CHRNA4: variants seen among roughly 807,000 people sequenced by gnomAD.
The protein encoded by CHRNA4 is cholinergic receptor nicotinic alpha 4 subunit, also known as neuronal acetylcholine receptor subunit alpha-4.
CHRNA4 carries 28 observed loss-of-function variants against 48.9 expected under a neutral mutation model. The observed-to-expected ratio is 0.57, with a 90% CI of 0.42 to 0.79. The LOEUF is 0.79. CHRNA4 is among the 30% of genes least tolerant of loss of function. CHRNA4 has a pLI of 0.00. For synonymous variants in CHRNA4, 425 were observed against 402.3 expected, an observed-to-expected ratio of 1.06 and a Z score of -0.68; for missense variants, 859 against 898.4, an observed-to-expected ratio of 0.96 and a Z score of 0.56.
chr20:63,345,437 G>A lies in CHRNA4; in HGVS notation c.*1301C>T, dbSNP rs1253453058. ...CAGCCTGTGCCCATCCCAAGGGGAA[G>A]TGTGCCCCTGGGGACACTGGGGGGC... On this transcript the variant is annotated 3_prime_UTR_variant, in exon 6 of 6. Coordinates refer to ENST00000370263, the MANE Select transcript of CHRNA4 (RefSeq NM_000744.7). The surrounding 1 kb of genome is among the most constrained non-coding windows in gnomAD (Gnocchi z 5.4). 2.5e-6 allele frequency: 1 copy of A among 393,444 alleles called. No individual in the cohort carries two copies. The highest frequency in any genetic ancestry group is 5.2e-6 in the Non-Finnish European group (1 of 191,518). 24.4% of individuals were successfully genotyped at this position (393,444 alleles called of 1,614,324 possible). A position where few individuals can be genotyped will look rare whatever the true frequency, so the allele number is the denominator to read the frequency against.
In CHRNA4 at chr20:63,351,204, A is replaced by ACG. The variant is rs1555838279; in HGVS notation, c.384-178_384-177insCG. On this transcript the variant is annotated intron_variant, in intron 4 of 5. Coordinates refer to ENST00000370263, the MANE Select transcript of CHRNA4 (RefSeq NM_000744.7). ...ATCCATGTCCCACGCCCACATCCAC[A>ACG]CCCACGTCCACGTCCACGCCCACAT... The ACG allele has an allele frequency of 5.2e-4, 273 of 521,948 alleles. 17 individuals carry two copies. The highest frequency in any genetic ancestry group is 3.6e-3 in the African/African-American group (149 of 41,490). 32.3% of individuals were successfully genotyped at this position (521,948 alleles called of 1,614,324 possible). A position where few individuals can be genotyped will look rare whatever the true frequency, so the allele number is the denominator to read the frequency against.
At chr20:63,360,946 G>T in intron 1 of CHRNA4, 144 bp downstream of exon 1, 1 of 632,826 alleles carries the variant, frequency 1.6e-6, no homozygotes, top group Non-Finnish European at 2.4e-6. Flanking sequence ...CTGTGCGGCT[G>T]GGGATGGGGA....
rs1555838260 is a variant in CHRNA4 at position 63,351,198 on chromosome 20, A to AGCCACGCCCACGCCCCACG, written c.384-172_384-171insCGTGGGGCGTGGGCGTGGC. On this transcript the variant is annotated intron_variant, in intron 4 of 5. Coordinates refer to ENST00000370263, the MANE Select transcript of CHRNA4 (RefSeq NM_000744.7). ...GCCCACATCCATGTCCCACGCCCAC[A>AGCCACGCCCACGCCCCACG]TCCACACCCACGTCCACGTCCACGC... 0.056 allele frequency: 26,487 copies of AGCCACGCCCACGCCCCACG among 471,788 alleles called. 1,833 individuals are homozygous for AGCCACGCCCACGCCCCACG. Among genetic ancestry groups the AGCCACGCCCACGCCCCACG allele is most frequent in the South Asian group, 0.1 (4,974 of 49,408 alleles). The allele number at this position is 471,788 out of a possible 1,614,324, so 29.2% of individuals were successfully genotyped here. A position where few individuals can be genotyped will look rare whatever the true frequency, so the allele number is the denominator to read the frequency against.
Position 63,343,987 on chromosome 20 carries a change from G to T in CHRNA4, c.*2751C>A, listed in dbSNP as rs2068444209. 4.4e-6 allele frequency: 2 copies of T among 454,102 alleles called. No homozygotes were observed. The highest frequency in any genetic ancestry group is 8.8e-6 in the Non-Finnish European group (2 of 226,800). The allele number at this position is 454,102 out of a possible 1,614,324, so 28.1% of individuals were successfully genotyped here. On this transcript the variant is annotated 3_prime_UTR_variant, in exon 6 of 6. Coordinates refer to ENST00000370263, the MANE Select transcript of CHRNA4 (RefSeq NM_000744.7). ...ATTAACAGATGCAGAAAATAAACATGCATAACGGATAGAGTGCCATGCACA... is the reference window on the plus strand; with the variant it reads ...ATTAACAGATGCAGAAAATAAACATTCATAACGGATAGAGTGCCATGCACA...
intron 4 of CHRNA4, among the ~76,000 whole-genome samples, chr20:63,353,974 T>A (rs1400567484): frequency 4.5e-4 from 2 of 4,414 alleles, no homozygotes; most frequent in African/African-American, 8.7e-4. Flanking sequence ...TCCTGGGAGG[T>A]CTGTGGTCCT....
In CHRNA4 at chr20:63,361,253, C is replaced by T. The variant is rs1279270053; in HGVS notation, c.-88G>A. The T allele has an allele frequency of 7.1e-7, 1 of 1,407,262 alleles. No homozygotes were observed. Among genetic ancestry groups the T allele is most frequent in the Non-Finnish European group, 9.2e-7 (1 of 1,083,262 alleles). The allele number at this position is 1,407,262 out of a possible 1,614,324, so 87.2% of individuals were successfully genotyped here. On this transcript the variant is annotated 5_prime_UTR_variant, in exon 1 of 6. Transcript: ENST00000370263. ...CGTGCGCGCCCAACTTCATGCCTCC[C>T]GCGCCTCGCGGGCCGCTTCGGCCGC...
chr20:63,346,905 C>A (rs765835508), intron 5 of CHRNA4, 42 bp from the exon 6 acceptor site: 1 of 1,610,596 alleles, frequency 6.2e-7, no homozygotes, highest in African/African-American at 1.3e-5. Context: ...GCCCGGCCGC[C>A]GCCAGCGGGG....
chr20:63,359,562 G>C lies in CHRNA4; in HGVS notation c.214C>G (p.Gln72Glu). The change falls in exon 2 of 6, where the codon CAG (glutamine) becomes GAG (glutamate). Residue 72 changes from glutamine (Q) to glutamate (E), a missense_variant. This residue lies in a region of CHRNA4 where 342 missense variants were observed against 365.3 expected (regional missense o/e 0.94). Coordinates refer to ENST00000370263, the MANE Select transcript of CHRNA4 (RefSeq NM_000744.7). ...VLVRFGLSIA[Q>E]LIDVDEKNQM... ...CCCTCACCTACCACGTCAATGAGCTGAGCGATGGACAGGCCGAAGCGGACG... is the reference window on the plus strand; with the variant it reads ...CCCTCACCTACCACGTCAATGAGCTCAGCGATGGACAGGCCGAAGCGGACG... 1 of 1,612,700 alleles carries C rather than the reference G, an allele frequency of 6.2e-7. No individual in the cohort carries two copies. Among genetic ancestry groups the C allele is most frequent in the Non-Finnish European group, 8.5e-7 (1 of 1,179,920 alleles).
In CHRNA4 at chr20:63,349,664, T is replaced by C. The variant is rs1169448678; in HGVS notation, c.1747A>G (p.Thr583Ala). The change falls in exon 5 of 6, where the codon ACA becomes GCA. Residue 583 changes from threonine to alanine, a missense_variant. By Grantham distance (58) the Thr-to-Ala change is moderately conservative. Transcript: ENST00000370263. The part of the protein sequence containing the change: ...YIADHLKAED[T>A]DFSVKEDWKY... ...TGGGCGGGACTTACCGAGAAGTCTG[T>C]GTCTTCGGCCTTCAGGTGGTCTGCA... The C allele has an allele frequency of 6.2e-7, 1 of 1,612,760 alleles. No homozygotes were observed. Among genetic ancestry groups the C allele is most frequent in the Non-Finnish European group, 8.5e-7 (1 of 1,179,860 alleles).
rs745400973 is a variant in CHRNA4, at chr20:63,349,704, C to T, written c.1707G>A (p.Glu569=). 4 of 1,612,864 alleles carry T rather than the reference C, an allele frequency of 2.5e-6. No homozygotes were observed. The highest frequency in any genetic ancestry group is 1.7e-5 in the Admixed American group (1 of 60,026). Reference sequence around the variant, plus strand: ...GGTGGTCTGCAATGTACTGGACGCCCTCCACCGCCCGGGTCAGGGCCGGCG... The same window carrying T: ...GGTGGTCTGCAATGTACTGGACGCCTTCCACCGCCCGGGTCAGGGCCGGCG... ...PLSPALTRAV[E]GVQYIADHLK... The change falls in exon 5 of 6, where the codon GAG becomes GAA. Residue 569 remains glutamate, a synonymous_variant. Coordinates refer to ENST00000370263, the MANE Select transcript of CHRNA4 (RefSeq NM_000744.7).
chr20:63,359,619 G>C lies in CHRNA4; in HGVS notation c.157C>G (p.Arg53Gly). The C allele has an allele frequency of 6.2e-7, 1 of 1,612,692 alleles. No individual in the cohort carries two copies. The highest frequency in any genetic ancestry group is 1.1e-5 in the South Asian group (1 of 91,082). ...KLFSGYNKWS[R>G]PVANISDVVL... ...ACGTCCGAGATGTTGGCCACGGGTC[G>C]GGACCACTTGTTGTAACCGGAGAAG... is the stretch of plus-strand genomic sequence containing the variant. The change falls in exon 2 of 6, where the codon CGA becomes GGA. Residue 53 changes from arginine (R) to glycine (G), a missense_variant. Coordinates refer to ENST00000370263, the MANE Select transcript of CHRNA4 (RefSeq NM_000744.7).
At chr20:63,358,075 G>A (rs2068745932) in intron 2 of CHRNA4, among the ~76,000 whole-genome samples, 1 of 152,174 alleles carries the variant, frequency 6.6e-6, no homozygotes, top group African/African-American at 2.4e-5. Flanking sequence ...ACCTCAGCAG[G>A]CTTGCCAAGC....
At chr20:63,351,070 T>TGCCCACGTCCACACCCAC (rs2068590798) in intron 4 of CHRNA4, 43 bp from the exon 5 acceptor site, 2 of 1,565,318 alleles carry the variant, frequency 1.3e-6, no homozygotes, top group Non-Finnish European at 1.7e-6. Context: ...CCCACATCCA[T>TGCCCACGTCCACACCCAC]GCCCACGTCC....
rs986755162 is a variant in CHRNA4 at position 63,345,724 on chromosome 20, C to T, written c.*1014G>A. ...TCCTCAAGGATGCCCCCACCAGCTCCCCACAGCTACTGTAGCAGGAAGTCC... is the reference window on the plus strand; with the variant it reads ...TCCTCAAGGATGCCCCCACCAGCTCTCCACAGCTACTGTAGCAGGAAGTCC... On this transcript the variant is annotated 3_prime_UTR_variant, in exon 6 of 6. Coordinates refer to ENST00000370263, the MANE Select transcript of CHRNA4 (RefSeq NM_000744.7). The surrounding 1 kb of genome is among the most constrained non-coding windows in gnomAD (Gnocchi z 5.4). 2.2e-6 allele frequency: 1 copy of T among 451,864 alleles called. No homozygotes were observed. Among genetic ancestry groups the T allele is most frequent in the African/African-American group, 2.0e-5 (1 of 49,954 alleles). 28.0% of individuals were successfully genotyped at this position (451,864 alleles called of 1,614,324 possible). A position where few individuals can be genotyped will look rare whatever the true frequency, so the allele number is the denominator to read the frequency against.
rs764990637 is a variant in CHRNA4, at chr20:63,359,636, C to T, written c.140G>A (p.Gly47Asp). Residue 47 changes from glycine (G) to aspartate (D), a missense_variant, in exon 2 of 6, where the codon GGT becomes GAT. Physicochemically the swap from Gly to Asp is moderately conservative, Grantham distance 94. Transcript: ENST00000370263. ...CACGGGTCGGGACCACTTGTTGTAA[C>T]CGGAGAAGAGTTTCTTCAGGAGCCG... Reference protein sequence around the residue: ...EERLLKKLFSGYNKWSRPVAN... With the variant: ...EERLLKKLFSDYNKWSRPVAN... The T allele has an allele frequency of 1.2e-6, 2 of 1,612,524 alleles. No individual in the cohort carries two copies. Among genetic ancestry groups the T allele is most frequent in the Non-Finnish European group, 1.7e-6 (2 of 1,179,954 alleles).
rs201879389 is a variant in CHRNA4, at chr20:63,361,133, C to G, written c.33G>C (p.Leu11=). Reference sequence around the variant, plus strand: ...CCAGAAGCAGCAGCAGCGGCGGCAGCAGCCGCGGCGCTCCGGGGCCCCCTA... The same window carrying G: ...CCAGAAGCAGCAGCAGCGGCGGCAGGAGCCGCGGCGCTCCGGGGCCCCCTA... The part of the protein sequence containing the change: MELGGPGAPR[L]LPPLLLLLGT... Residue 11 remains leucine (L), a synonymous_variant, in exon 1 of 6, where the codon CTG becomes CTC. Coordinates refer to ENST00000370263, the MANE Select transcript of CHRNA4 (RefSeq NM_000744.7). 1 of 1,478,674 alleles carries G rather than the reference C, an allele frequency of 6.8e-7. No homozygotes were observed. Among genetic ancestry groups the G allele is most frequent in the Admixed American group, 2.3e-5 (1 of 44,000 alleles). The allele number at this position is 1,478,674 out of a possible 1,614,324, so 91.6% of individuals were successfully genotyped here. A position where few individuals can be genotyped will look rare whatever the true frequency, so the allele number is the denominator to read the frequency against.
chr20:63,349,460 C>T lies in CHRNA4; in HGVS notation c.1758+193G>A, dbSNP rs2068546662. ...TGCCAGCCACTCGGGGCCCCCTGCC[C>T]CGCTCAGCCTGGGACCTGCGGCCAC... is the stretch of plus-strand genomic sequence containing the variant. On this transcript the variant is annotated intron_variant, in intron 5 of 5. Transcript: ENST00000370263. 3 of 743,254 alleles carry T rather than the reference C, an allele frequency of 4.0e-6. 1 individual carries two copies. The highest frequency in any genetic ancestry group is 6.6e-6 in the Non-Finnish European group (3 of 456,222). The allele number at this position is 743,254 out of a possible 1,614,324, so 46.0% of individuals were successfully genotyped here. A position where few individuals can be genotyped will look rare whatever the true frequency, so the allele number is the denominator to read the frequency against.
chr20:63,356,121 G>C, intron 3 of CHRNA4, 37 bp from the exon 4 acceptor site: 1 of 943,554 alleles, frequency 1.1e-6, no homozygotes, highest in African/African-American at 2.0e-5. Context: ...TGCAGGGTGA[G>C]GGGTGTGGGG....
chr20:63,350,574 G>A lies in CHRNA4; in HGVS notation c.837C>T (p.Ile279=). The A allele has an allele frequency of 6.2e-7, 1 of 1,614,040 alleles. No individual in the cohort carries two copies. The highest frequency in any genetic ancestry group is 8.5e-7 in the Non-Finnish European group (1 of 1,180,034). The stretch of plus-strand genomic sequence containing the variant: ...AGACGGTGAGCGACAGCAGCACGGA[G>A]ATGCACAGCGTGATCTTCTCGCCAC... The part of the protein sequence containing the change: ...SECGEKITLC[I]SVLLSLTVFL... Residue 279 remains isoleucine, a synonymous_variant, in exon 5 of 6, where the codon ATC becomes ATT. Coordinates refer to ENST00000370263, the MANE Select transcript of CHRNA4 (RefSeq NM_000744.7).
Sources: gnomAD v4.1 joint callset for allele counts (sites outside exome capture counted in the v4.1 genomes callset) on GRCh38, gnomAD v4.1.1 for gene constraint, gnomAD v4.1.1 regional missense constraint, Gnocchi (gnomAD v3.1) non-coding constraint, MANE v1.5 for transcripts, NCBI Gene and HGNC (gene_info 2026-07-23, HGNC 2026-07-21) for gene names.